Variants in PDE4D observed in about 807,000 individuals in gnomAD.
PDE4D encodes the protein phosphodiesterase 4D.
In PDE4D, 24 loss-of-function variants were observed where a neutral mutation model predicts 87.4. That is an observed-to-expected ratio of 0.27 (90% CI 0.20 to 0.39). PDE4D has a LOEUF of 0.39. Ranked by LOEUF, PDE4D falls within the 10% of genes least tolerant of loss-of-function variation. PDE4D has a pLI of 1.00. For synonymous variants in PDE4D, 384 were observed against 383.2 expected (o/e 1.00, Z -0.02); for missense variants, 714 against 1,041.0 (o/e 0.69, Z 4.32).
At chr5:60,344,461 A>G (rs1172883950) in intron 1 of PDE4D, among the ~76,000 whole-genome samples, 1 of 152,140 alleles carries the variant, frequency 6.6e-6, no homozygotes, top group Non-Finnish European at 1.5e-5. Context: ...GTAGAAAGTT[A>G]TATCAATGGT....
intron 1 of PDE4D, among the ~76,000 whole-genome samples, chr5:59,668,637 G>A (rs1403853369): frequency 6.6e-6 from 1 of 151,760 alleles, no homozygotes; most frequent in Non-Finnish European, 1.5e-5. Flanking sequence ...CGGTCCAGGA[G>A]TTTGGGGCTG....
intron 1 of PDE4D, among the ~76,000 whole-genome samples, chr5:59,543,670 A>G (rs1816754629): frequency 6.6e-6 from 1 of 152,036 alleles, no homozygotes; most frequent in Non-Finnish European, 1.5e-5. Flanking sequence ...TCACAAGTCA[A>G]TGTGTCTCCT....
chr5:60,446,138 C>G (rs1210015411), intron 1 of PDE4D, among the ~76,000 whole-genome samples: 1 of 151,972 alleles, frequency 6.6e-6, no homozygotes, highest in Non-Finnish European at 1.5e-5. Context: ...TTTTAGAAAA[C>G]AACACTACTT....
chr5:59,043,875 G>A, intron 5 of PDE4D, among the ~76,000 whole-genome samples: 1 of 152,180 alleles, frequency 6.6e-6, no homozygotes, highest in East Asian at 1.9e-4. Context: ...TTCCTACAAA[G>A]GACATGAACT....
chr5:59,159,168 T>A (rs922552064), intron 5 of PDE4D, among the ~76,000 whole-genome samples: 1 of 152,128 alleles, frequency 6.6e-6, no homozygotes, highest in South Asian at 2.1e-4. Flanking sequence ...TACTTAAGAT[T>A]TTTTGCCCAG....
chr5:60,468,923 G>A (rs1027557392), intron 1 of PDE4D, among the ~76,000 whole-genome samples: 10 of 151,838 alleles, frequency 6.6e-5, no homozygotes, highest in African/African-American at 2.2e-4. Context: ...TCTCTCCATC[G>A]TCCCCACCAT....
intron 1 of PDE4D, among the ~76,000 whole-genome samples, chr5:59,353,616 G>A (rs1398492209): frequency 1.6e-5 from 2 of 121,756 alleles, no homozygotes; most frequent in Non-Finnish European, 1.9e-5. Flanking sequence ...AACATGGTTG[G>A]CAATCTCTTC....
chr5:59,735,198 A>C (rs1185875439), intron 1 of PDE4D, among the ~76,000 whole-genome samples: 1 of 152,226 alleles, frequency 6.6e-6, no homozygotes, highest in Non-Finnish European at 1.5e-5. Context: ...ATAGAGTGAT[A>C]TTGCAGTTAT....
intron 1 of PDE4D, among the ~76,000 whole-genome samples, chr5:60,349,947 C>A (rs548309722): frequency 4.6e-5 from 7 of 152,104 alleles, no homozygotes; most frequent in African/African-American, 1.4e-4. Context: ...ATTCAGATAA[C>A]AACATCAATG....
At chr5:60,298,606 T>A (rs1386266360) in intron 1 of PDE4D, among the ~76,000 whole-genome samples, 2 of 152,230 alleles carry the variant, frequency 1.3e-5, no homozygotes, top group Non-Finnish European at 2.9e-5. Context: ...AACTTCCTTC[T>A]GTGTTTTTCA....
chr5:59,384,889 TTTAG>T (rs1208764807), intron 1 of PDE4D, among the ~76,000 whole-genome samples: 1 of 152,094 alleles, frequency 6.6e-6, no homozygotes, highest in Admixed American at 6.6e-5. Flanking sequence ...CATCACAATT[TTTAG>T]TTAAATTAAC....
intron 3 of PDE4D, among the ~76,000 whole-genome samples, chr5:59,968,810 T>C (rs1185126292): frequency 2.0e-5 from 3 of 152,172 alleles, no homozygotes; most frequent in Admixed American, 2.0e-4. Flanking sequence ...AAGATAATAA[T>C]GGTACCTACC....
intron 1 of PDE4D, among the ~76,000 whole-genome samples, chr5:59,294,520 T>C (rs1377986103): frequency 1.3e-5 from 2 of 152,158 alleles, no homozygotes; most frequent in East Asian, 1.9e-4. Flanking sequence ...GAACACCTTG[T>C]AGGCAGACCG....
At chr5:59,077,884 G>T (rs1187133656) in intron 5 of PDE4D, among the ~76,000 whole-genome samples, 3 of 152,068 alleles carry the variant, frequency 2.0e-5, no homozygotes, top group Non-Finnish European at 2.9e-5. Context: ...AACCATTTTG[G>T]TAGTGTATAC....
At chr5:59,474,769 A>C (rs1803029879) in intron 1 of PDE4D, among the ~76,000 whole-genome samples, 1 of 152,134 alleles carries the variant, frequency 6.6e-6, no homozygotes, top group Admixed American at 6.6e-5. Flanking sequence ...ACTTACATAA[A>C]ATTAATCAAA....
chr5:59,205,216 T>C (rs1398883136), intron 2 of PDE4D, among the ~76,000 whole-genome samples: 1 of 152,108 alleles, frequency 6.6e-6, no homozygotes, highest in East Asian at 1.9e-4. Context: ...TTTTTTAAAC[T>C]ATACGTATTC....
intron 3 of PDE4D, among the ~76,000 whole-genome samples, chr5:59,974,808 T>A (rs1267802393): frequency 6.6e-6 from 1 of 152,168 alleles, no homozygotes; most frequent in Non-Finnish European, 1.5e-5. Flanking sequence ...CTCTCCCCTG[T>A]CTATCCTCCC....
intron 2 of PDE4D, among the ~76,000 whole-genome samples, chr5:60,030,246 C>A (rs1056167557): frequency 6.6e-6 from 1 of 151,720 alleles, no homozygotes; most frequent in African/African-American, 2.4e-5. Flanking sequence ...GTCAGGAGAT[C>A]GAGACCATCC....
intron 1 of PDE4D, among the ~76,000 whole-genome samples, chr5:59,760,519 C>A (rs868039827): frequency 6.6e-6 from 1 of 152,114 alleles, no homozygotes; most frequent in Non-Finnish European, 1.5e-5. Context: ...CTTATATACA[C>A]GCTGGAACAT....
Sources: allele counts gnomAD v4.1 joint callset (sites outside exome capture counted in the v4.1 genomes callset), GRCh38; gene constraint gnomAD v4.1.1; transcripts MANE v1.5; gene names NCBI Gene and HGNC (gene_info 2026-07-23, HGNC 2026-07-21).